Variants in ATP10D observed in about 807,000 individuals in gnomAD.
ATP10D encodes the protein phospholipid-transporting ATPase VD.
Under a neutral mutation model 144.8 loss-of-function variants are expected in ATP10D, and 89 were observed. That is an observed-to-expected ratio of 0.61 (90% CI 0.52 to 0.73). The LOEUF is 0.73. Among genes scored for constraint, ATP10D ranks in the 30% least tolerant of loss-of-function variants. The probability of loss-of-function intolerance (pLI) is 0.00; values close to 1 mark genes in which losing one functional copy is unlikely to be tolerated. For synonymous variants in ATP10D, 571 were observed against 615.1 expected (o/e 0.93, Z 1.06); for missense variants, 1,603 against 1,714.8 (o/e 0.93, Z 1.15).
chr4:47,523,977 A>C (rs761776434), intron 4 of ATP10D, among the ~76,000 whole-genome samples: 3 of 152,166 alleles, frequency 2.0e-5, no homozygotes, highest in Non-Finnish European at 4.4e-5. Flanking sequence ...CCCAGGCTGG[A>C]GTGCAGTGGC....
chr4:47,488,612 C>CAAAAAAAAAAAAAAAAAAA (rs56859197), intron 1 of ATP10D, among the ~76,000 whole-genome samples: 1 of 91,318 alleles, frequency 1.1e-5, no homozygotes, highest in African/African-American at 3.8e-5. Context: ...ATATAATAAG[C>CAAAAAAAAAAAAAAAAAAA]AAAAAAAAAA....
rs113887823 is a variant in ATP10D at position 47,550,680 on chromosome 4, G to A, written c.1635+3818G>A. 1.1e-3 allele frequency among the ~76,000 whole-genome samples: 169 copies of A among 152,268 alleles called. 3 individuals are homozygous for A. The highest frequency in any genetic ancestry group is 3.9e-3 in the African/African-American group (163 of 41,544). ...AGCTCTATTAGAAGCCATGGGTCAC[G>A]GAAGAGAACCATGGAACCCCTGACT... On this transcript the variant is annotated intron_variant, in intron 10 of 22. Coordinates refer to ENST00000273859, the MANE Select transcript of ATP10D (RefSeq NM_020453.4).
In ATP10D at chr4:47,544,919, C is replaced by T. The variant is rs192194095; in HGVS notation, c.1397-1705C>T. Among the ~76,000 whole-genome samples, 18 of 152,314 alleles carry T rather than the reference C, an allele frequency of 1.2e-4. No homozygotes were observed. The East Asian group carries it at 3.3e-3, about 28-fold the overall frequency. On this transcript the variant is annotated intron_variant, in intron 9 of 22. Transcript: ENST00000273859. ...ATGCTGAACAATTCACATAAGGCCC[C>T]TGCTCTCATAGAGTTTCTATTAGAG...
At chr4:47,495,317 T>A (rs1560406694) in intron 1 of ATP10D, among the ~76,000 whole-genome samples, 1 of 150,880 alleles carries the variant, frequency 6.6e-6, no homozygotes, top group East Asian at 1.9e-4. Flanking sequence ...AGTTGTGCTT[T>A]AAAAAAAAAG....
chr4:47,543,018 C>T (rs1016725680), intron 9 of ATP10D, among the ~76,000 whole-genome samples: 2 of 152,078 alleles, frequency 1.3e-5, no homozygotes, highest in African/African-American at 4.8e-5. Flanking sequence ...CAGTATTACC[C>T]CCTTATCTGT....
At chr4:47,551,880 T>C (rs1448952747) in intron 10 of ATP10D, among the ~76,000 whole-genome samples, 2 of 152,220 alleles carry the variant, frequency 1.3e-5, no homozygotes, top group Non-Finnish European at 1.5e-5. Context: ...AAGAATTGCA[T>C]GTGGTGACTC....
intron 19 of ATP10D, 21 bp from the exon 20 acceptor site, chr4:47,580,377 C>G: frequency 1.3e-6 from 2 of 1,586,616 alleles, no homozygotes; most frequent in Non-Finnish European, 1.7e-6. Context: ...ACTACCTCCC[C>G]GTTATCTGCT....
Position 47,564,157 on chromosome 4 carries a change from G to A in ATP10D, c.2853+392G>A, listed in dbSNP as rs183050999. ...TCCGCCAGCTTTGGCCTCCCAAAGTGCTGGGATTACGGGGTGAGCCACTGT... is the reference window on the plus strand; with the variant it reads ...TCCGCCAGCTTTGGCCTCCCAAAGTACTGGGATTACGGGGTGAGCCACTGT... On this transcript the variant is annotated intron_variant, in intron 15 of 22. Coordinates refer to ENST00000273859, the MANE Select transcript of ATP10D (RefSeq NM_020453.4). Among the ~76,000 whole-genome samples the A allele has an allele frequency of 1.6e-3, 242 of 152,276 alleles. 1 individual carries two copies. The highest frequency in any genetic ancestry group is 2.5e-3 in the Non-Finnish European group (167 of 68,014).
At chr4:47,567,010 G>T (rs966105846) in intron 15 of ATP10D, among the ~76,000 whole-genome samples, 1 of 151,080 alleles carries the variant, frequency 6.6e-6, no homozygotes, top group Non-Finnish European at 1.5e-5. Flanking sequence ...AAAGCAGAAA[G>T]ATGCAAAAAA....
At chr4:47,566,432 A>C (rs184693111) in intron 15 of ATP10D, among the ~76,000 whole-genome samples, 1 of 152,236 alleles carries the variant, frequency 6.6e-6, no homozygotes, top group East Asian at 1.9e-4. Context: ...GTAACTTTCT[A>C]TCTTCATAAT....
chr4:47,549,215 T>C (rs935846497), intron 10 of ATP10D, among the ~76,000 whole-genome samples: 1 of 152,232 alleles, frequency 6.6e-6, no homozygotes, highest in Non-Finnish European at 1.5e-5. Context: ...TACTGTTTAT[T>C]CTACACGAAA....
At position 47,565,343 on chromosome 4, in the gene ATP10D, T is replaced by TC. The variant is rs530779370; in HGVS notation, c.2853+1582dup. Among the ~76,000 whole-genome samples the TC allele has an allele frequency of 1.1e-4, 16 of 152,276 alleles. No individual in the cohort carries two copies. In the East Asian group the frequency reaches 2.3e-3, roughly 22 times the overall value. ...GAGAAAAGGGAAAAATAGAGTGGGT[T>TC]CCCCTTTACGGTGGCCCAGTGACCC... On this transcript the variant is annotated intron_variant, in intron 15 of 22. Coordinates refer to ENST00000273859, the MANE Select transcript of ATP10D (RefSeq NM_020453.4).
At chr4:47,488,255 G>A (rs1477729345) in intron 1 of ATP10D, among the ~76,000 whole-genome samples, 1 of 151,728 alleles carries the variant, frequency 6.6e-6, no homozygotes, top group Non-Finnish European at 1.5e-5. Context: ...CTGTAAAAAA[G>A]TGAAATTTAA....
Position 47,523,077 on chromosome 4 carries a change from C to T in ATP10D, c.551C>T (p.Ser184Phe). 2 of 1,613,796 alleles carry T rather than the reference C, an allele frequency of 1.2e-6. No homozygotes were observed. The highest frequency in any genetic ancestry group is 4.5e-5 in the East Asian group (2 of 44,862). The change falls in exon 4 of 23, where the codon TCC becomes TTC. Residue 184 changes from serine to phenylalanine, a missense_variant. Physicochemically the swap from Ser to Phe is radical, Grantham distance 155. Coordinates refer to ENST00000273859, the MANE Select transcript of ATP10D (RefSeq NM_020453.4). ...ACTGTTGGGGACTTTATTCGCCTCT[C>T]CTGCAACGAGGTCATCCCTGCAGAC... ...DVTVGDFIRL[S>F]CNEVIPADMV...
rs1405014886 is a variant in ATP10D, at chr4:47,591,340, G to T, written c.4240G>T (p.Ala1414Ser). The T allele has an allele frequency of 6.2e-7, 1 of 1,612,702 alleles. No homozygotes were observed. Among genetic ancestry groups the T allele is most frequent in the Admixed American group, 1.7e-5 (1 of 59,942 alleles). The change falls in exon 23 of 23, where the codon GCC becomes TCC. Residue 1414 changes from alanine (A) to serine (S), a missense_variant. Ala to Ser is a moderately conservative substitution (Grantham distance 99). Transcript: ENST00000273859. ...AGATCAAGGCTACTCTGAAACTAAG[G>T]CCTTTGAGATGGCTGGACCCTCCAA... ...ALDQGYSETK[A>S]FEMAGPSKGK... is the part of the protein sequence containing the mutation.
At chr4:47,584,922 G>C (rs1338850412) in intron 21 of ATP10D, among the ~76,000 whole-genome samples, 2 of 152,050 alleles carry the variant, frequency 1.3e-5, no homozygotes, top group Non-Finnish European at 2.9e-5. Flanking sequence ...GATTAGGAGA[G>C]AAAAGAAGAA....
intron 20 of ATP10D, among the ~76,000 whole-genome samples, chr4:47,581,126 T>C (rs577784840): frequency 1.3e-5 from 2 of 152,310 alleles, no homozygotes; most frequent in East Asian, 1.9e-4. Flanking sequence ...GGGCTAATTC[T>C]ACTCGAATGA....
intron 16 of ATP10D, among the ~76,000 whole-genome samples, chr4:47,570,786 G>C (rs1719907428): frequency 6.7e-6 from 1 of 148,612 alleles, no homozygotes; most frequent in Admixed American, 6.7e-5. Context: ...CTAGGAGACA[G>C]AGCAAGATTC....
Position 47,515,846 on chromosome 4 carries a change from A to C in ATP10D, c.485+176A>C, listed in dbSNP as rs1215192768. ...CTATGGTGAATTTAATTCAAGTGTC[A>C]GAGGAAAACAAAAACGTATAAGCCA... On this transcript the variant is annotated intron_variant, in intron 3 of 22. Coordinates refer to ENST00000273859, the MANE Select transcript of ATP10D (RefSeq NM_020453.4). 2.0e-5 allele frequency among the ~76,000 whole-genome samples: 3 copies of C among 152,362 alleles called. No homozygotes were observed. The East Asian group carries it at 5.8e-4, about 29-fold the overall frequency.
Sources: allele counts gnomAD v4.1 joint callset (sites outside exome capture counted in the v4.1 genomes callset), GRCh38; gene constraint gnomAD v4.1.1; transcripts MANE v1.5; gene names NCBI Gene and HGNC (gene_info 2026-07-23, HGNC 2026-07-21).